Variants in NCALD observed in about 807,000 individuals in gnomAD.
NCALD encodes neurocalcin-delta.
NCALD carries 10 observed loss-of-function variants against 18.6 expected under a neutral mutation model. The ratio of observed to expected loss-of-function variants is 0.54; its 90% CI spans 0.33 to 0.91. NCALD has a LOEUF of 0.91. Among genes scored for constraint, NCALD ranks in the 40% least tolerant of loss-of-function variants. The probability of loss-of-function intolerance (pLI) is 0.03; values close to 1 mark genes in which losing one functional copy is unlikely to be tolerated. For synonymous variants in NCALD, 88 were observed against 87.4 expected (o/e 1.01, Z -0.04); for missense variants, 184 against 247.6 (o/e 0.74, Z 1.72).
At chr8:102,023,551 T>G (rs1586939112) in intron 1 of NCALD, among the ~76,000 whole-genome samples, 2 of 152,200 alleles carry the variant, frequency 1.3e-5, no homozygotes, top group African/African-American at 4.8e-5. Context: ...GGCAGGGAAT[T>G]TGGTATATTG....
intron 2 of NCALD, among the ~76,000 whole-genome samples, chr8:102,004,866 T>C (rs1268696914): frequency 1.3e-5 from 2 of 152,160 alleles, no homozygotes; most frequent in Non-Finnish European, 2.9e-5. Flanking sequence ...TTACACCTTA[T>C]ACAAAAATCA....
intron 4 of NCALD, among the ~76,000 whole-genome samples, chr8:101,849,182 G>A (rs1190601751): frequency 1.3e-5 from 2 of 151,984 alleles, no homozygotes; most frequent in African/African-American, 2.4e-5. Flanking sequence ...ATTGTGGGGG[G>A]ACCAACACAC....
intron 1 of NCALD, among the ~76,000 whole-genome samples, chr8:101,736,933 C>A (rs1404099152): frequency 6.6e-6 from 1 of 152,112 alleles, no homozygotes; most frequent in Non-Finnish European, 1.5e-5. Flanking sequence ...TGATTGAGTG[C>A]ATTAATTCTT....
At chr8:101,773,173 A>C (rs1355785688) in intron 1 of NCALD, among the ~76,000 whole-genome samples, 1 of 152,044 alleles carries the variant, frequency 6.6e-6, no homozygotes, top group Admixed American at 6.6e-5. Context: ...TTGATTTTCC[A>C]TTCCATATCA....
intron 2 of NCALD, among the ~76,000 whole-genome samples, chr8:101,939,770 G>A (rs765140573): frequency 7.9e-5 from 12 of 152,148 alleles, no homozygotes; most frequent in East Asian, 1.9e-4. Flanking sequence ...TGAGCATTGC[G>A]GAATGCCTAC....
At chr8:102,062,503 C>T (rs1348449625) in intron 1 of NCALD, among the ~76,000 whole-genome samples, 1 of 152,232 alleles carries the variant, frequency 6.6e-6, no homozygotes, top group Non-Finnish European at 1.5e-5. Context: ...ATAGTAAGTG[C>T]TCAGTAAATC....
rs567395205 is a variant in NCALD, at chr8:101,719,306, G to A, written c.324C>T (p.Tyr108=). 138 of 1,614,116 alleles carry A rather than the reference G, an allele frequency of 8.5e-5. No homozygotes were observed. The highest frequency in any genetic ancestry group is 1.1e-4 in the Non-Finnish European group (128 of 1,180,028). Residue 108 remains tyrosine, a synonymous_variant, in exon 2 of 4, where the codon TAC becomes TAT. Transcript: ENST00000220931. The part of the protein sequence containing the change: ...EQKLKWAFSM[Y]DLDGNGYISK... ...TGATATAGCCATTTCCGTCCAGGTC[G>A]TACATGCTGAAGGCCCATTTCAGCT...
chr8:102,028,753 T>A (rs1335979195), intron 1 of NCALD, among the ~76,000 whole-genome samples: 2 of 152,250 alleles, frequency 1.3e-5, no homozygotes, highest in East Asian at 3.9e-4. Flanking sequence ...AAAAGATGAG[T>A]ATGATGCAGC....
At chr8:101,952,159 G>T (rs1215090729) in intron 2 of NCALD, among the ~76,000 whole-genome samples, 1 of 152,186 alleles carries the variant, frequency 6.6e-6, no homozygotes, top group Non-Finnish European at 1.5e-5. Flanking sequence ...AAGCCCCAGA[G>T]AGCTGCCCTC....
chr8:101,986,091 C>T (rs1020964283), intron 2 of NCALD, among the ~76,000 whole-genome samples: 5 of 152,060 alleles, frequency 3.3e-5, no homozygotes, highest in East Asian at 3.9e-4. Flanking sequence ...CAGGCAGTGG[C>T]GCGATCTTGG....
chr8:101,819,652 G>C (rs1044064836), intron 4 of NCALD, among the ~76,000 whole-genome samples: 8 of 152,106 alleles, frequency 5.3e-5, no homozygotes, highest in African/African-American at 1.9e-4. Context: ...GGCCATTTTT[G>C]ACACTCATCC....
intron 3 of NCALD, among the ~76,000 whole-genome samples, chr8:101,892,420 A>G (rs1816943569): frequency 1.3e-5 from 2 of 149,418 alleles, no homozygotes; most frequent in Admixed American, 6.6e-5. Flanking sequence ...GGAAAAAACA[A>G]AACAGAAAAA....
At chr8:102,004,245 A>C (rs1380969646) in intron 2 of NCALD, among the ~76,000 whole-genome samples, 12 of 152,216 alleles carry the variant, frequency 7.9e-5, no homozygotes, top group African/African-American at 2.9e-4. Flanking sequence ...ACAGACAAAG[A>C]GAGAGCCAAA....
intron 2 of NCALD, among the ~76,000 whole-genome samples, chr8:101,916,500 T>C (rs1817974853): frequency 6.6e-6 from 1 of 152,098 alleles, no homozygotes; most frequent in Non-Finnish European, 1.5e-5. Context: ...CAACTTATGA[T>C]AGGATCAAAA....
chr8:101,710,282 T>G (rs1448079014), intron 2 of NCALD, among the ~76,000 whole-genome samples: 1 of 152,176 alleles, frequency 6.6e-6, no homozygotes, highest in African/African-American at 2.4e-5. Context: ...ACTGGGAGAT[T>G]CCTTCAGGTG....
At chr8:101,772,381 G>A (rs1387510649) in intron 1 of NCALD, among the ~76,000 whole-genome samples, 1 of 152,150 alleles carries the variant, frequency 6.6e-6, no homozygotes, top group African/African-American at 2.4e-5. Flanking sequence ...AGAATCCAAG[G>A]ACTCTGATTT....
intron 2 of NCALD, among the ~76,000 whole-genome samples, chr8:101,925,545 C>T (rs552287654): frequency 2.0e-5 from 3 of 152,278 alleles, no homozygotes; most frequent in South Asian, 2.1e-4. Context: ...GCACCATTGC[C>T]ACTTCGGGTT....
intron 1 of NCALD, among the ~76,000 whole-genome samples, chr8:102,041,051 C>G (rs796330834): frequency 6.6e-6 from 1 of 152,292 alleles, no homozygotes; most frequent in African/African-American, 2.4e-5. Flanking sequence ...TCATCTCTCA[C>G]CTATTCTGCT....
intron 2 of NCALD, among the ~76,000 whole-genome samples, chr8:101,947,703 A>G (rs755757596): frequency 6.6e-6 from 1 of 152,152 alleles, no homozygotes; most frequent in Non-Finnish European, 1.5e-5. Flanking sequence ...CCATTTTTCC[A>G]TGAACTTTCT....
Sources: gnomAD v4.1 joint callset for allele counts (sites outside exome capture counted in the v4.1 genomes callset) on GRCh38, gnomAD v4.1.1 for gene constraint, MANE v1.5 for transcripts, NCBI Gene and HGNC (gene_info 2026-07-23, HGNC 2026-07-21) for gene names.